MOV10L1: variants seen among roughly 807,000 people sequenced by gnomAD.
The protein encoded by MOV10L1 is RNA helicase Mov10l1.
A neutral mutation model predicts 143.8 loss-of-function variants in MOV10L1; 110 were observed. The observed-to-expected ratio is 0.76, with a 90% CI of 0.66 to 0.90. The LOEUF (loss-of-function observed/expected upper bound fraction) is 0.90. Ranked by LOEUF, MOV10L1 falls within the 40% of genes least tolerant of loss-of-function variation. MOV10L1 has a pLI of 0.00. For synonymous variants in MOV10L1, 593 were observed against 581.1 expected, an observed-to-expected ratio of 1.02 and a Z score of -0.29; for missense variants, 1,406 against 1,526.8, an observed-to-expected ratio of 0.92 and a Z score of 1.32.
At chr22:50,142,965 C>A in intron 16 of MOV10L1, 78 bp from the exon 17 acceptor site, 1 of 1,413,370 alleles carries the variant, frequency 7.1e-7, no homozygotes, top group South Asian at 1.3e-5. Context: ...GTGCTGACGC[C>A]TGACCTAGGT....
chr22:50,135,609 G>A (rs2062802975), intron 15 of MOV10L1, among the ~76,000 whole-genome samples: 1 of 151,778 alleles, frequency 6.6e-6, no homozygotes, highest in African/African-American at 2.4e-5. Context: ...AAATTAGCCG[G>A]GCATGATGGT....
At chr22:50,137,804 TATATATAC>T (rs2062868461) in intron 15 of MOV10L1, among the ~76,000 whole-genome samples, 1 of 54,244 alleles carries the variant, frequency 1.8e-5, no homozygotes, top group Admixed American at 3.1e-4. Context: ...ACATATTTTA[TATATATAC>T]ATATATAAAT....
chr22:50,133,920 T>A (rs2062748563), intron 13 of MOV10L1, 87 bp from the exon 14 acceptor site: 1 of 1,059,502 alleles, frequency 9.4e-7, no homozygotes, highest in Admixed American at 2.4e-5. Flanking sequence ...ACTTAAAGAT[T>A]GTATCATAAA....
intron 26 of MOV10L1, 38 bp downstream of exon 26, chr22:50,161,093 C>T (rs1053234970): frequency 3.8e-6 from 6 of 1,593,072 alleles, no homozygotes; most frequent in African/African-American, 2.7e-5. Flanking sequence ...GACAGGCTGG[C>T]TCTAGAACGT....
intron 1 of MOV10L1, chr22:50,090,690 G>GTT (rs1602092484): frequency 2.5e-6 from 2 of 801,168 alleles, no homozygotes; most frequent in East Asian, 5.6e-5. Flanking sequence ...GTGTGTGTGT[G>GTT]TGTGAGACGG....
intron 13 of MOV10L1, among the ~76,000 whole-genome samples, chr22:50,128,975 T>A (rs1269621504): frequency 6.6e-6 from 1 of 151,746 alleles, no homozygotes. Context: ...TTAATTTGTC[T>A]CTTTATCTTT....
At chr22:50,118,398 CAGTA>C (rs1297926941) in intron 9 of MOV10L1, among the ~76,000 whole-genome samples, 2 of 152,146 alleles carry the variant, frequency 1.3e-5, no homozygotes, top group Non-Finnish European at 2.9e-5. Context: ...AGCAATCACT[CAGTA>C]AGCGAATAAG....
chr22:50,115,421 TG>T (rs2062145867), intron 8 of MOV10L1, among the ~76,000 whole-genome samples, 175 bp downstream of exon 8: 1 of 152,068 alleles, frequency 6.6e-6, no homozygotes, highest in Non-Finnish European at 1.5e-5. Context: ...AAAAATTACT[TG>T]GGCCCCTGTA....
intron 15 of MOV10L1, among the ~76,000 whole-genome samples, chr22:50,140,665 G>T (rs887928780): frequency 6.6e-6 from 1 of 152,182 alleles, no homozygotes; most frequent in South Asian, 2.1e-4. Context: ...TCCATGGGCC[G>T]CTGGTTGGAC....
At chr22:50,115,083 T>A (rs2062134045) in intron 7 of MOV10L1, 31 bp from the exon 8 acceptor site, 6 of 1,554,256 alleles carry the variant, frequency 3.9e-6, no homozygotes, top group Non-Finnish European at 5.2e-6. Flanking sequence ...TACCTTTTGG[T>A]CAACTTTTGT....
chr22:50,139,924 C>T (rs1321498649), intron 15 of MOV10L1, among the ~76,000 whole-genome samples: 1 of 152,140 alleles, frequency 6.6e-6, no homozygotes, highest in Non-Finnish European at 1.5e-5. Context: ...AGTGGCACAC[C>T]ACTGTGCAAA....
At chr22:50,097,841 GTTGT>G (rs1183840508) in intron 2 of MOV10L1, among the ~76,000 whole-genome samples, 1 of 151,914 alleles carries the variant, frequency 6.6e-6, no homozygotes, top group African/African-American at 2.4e-5. Context: ...GGGTTTTTTT[GTTGT>G]TTGTTTGAGA....
At chr22:50,095,795 A>G (rs1432413422) in intron 2 of MOV10L1, 2 of 152,016 alleles carry the variant, frequency 1.3e-5, no homozygotes, top group Non-Finnish European at 2.9e-5. Context: ...TAAGGAATGC[A>G]GGACCTTTTT....
chr22:50,128,295 C>A, intron 12 of MOV10L1, 121 bp from the exon 13 acceptor site: 2 of 629,734 alleles, frequency 3.2e-6, no homozygotes, highest in Non-Finnish European at 5.7e-6. Context: ...TCCTTTTCAA[C>A]TAATTTTGCA....
chr22:50,131,048 C>T (rs1001556143), intron 13 of MOV10L1, among the ~76,000 whole-genome samples: 12 of 150,558 alleles, frequency 8.0e-5, no homozygotes, highest in African/African-American at 2.9e-4. Flanking sequence ...AGGTGCCCAC[C>T]ACCACGCCCG....
chr22:50,100,448 T>C (rs761766959), intron 3 of MOV10L1, among the ~76,000 whole-genome samples: 1 of 152,250 alleles, frequency 6.6e-6, no homozygotes, highest in African/African-American at 2.4e-5. Context: ...GTACTTTAGA[T>C]GTTTTAAAAT....
At chr22:50,136,667 T>G in intron 15 of MOV10L1, among the ~76,000 whole-genome samples, 1 of 150,884 alleles carries the variant, frequency 6.6e-6, no homozygotes, top group Non-Finnish European at 1.5e-5. Flanking sequence ...TTTGGAAGGG[T>G]GGGGAGGACA....
At chr22:50,128,210 TA>T (rs2062567304) in intron 12 of MOV10L1, among the ~76,000 whole-genome samples, 1 of 152,248 alleles carries the variant, frequency 6.6e-6, no homozygotes. Context: ...GCCAAGTGAA[TA>T]GAAGTTCAGT....
chr22:50,111,407 A>G (rs1421994370), intron 5 of MOV10L1, among the ~76,000 whole-genome samples: 3 of 151,456 alleles, frequency 2.0e-5, no homozygotes, highest in African/African-American at 7.3e-5. Context: ...GGACAAAGGA[A>G]AGGCAGCTTC....
Sources: allele counts gnomAD v4.1 joint callset (sites outside exome capture counted in the v4.1 genomes callset), GRCh38; gene constraint gnomAD v4.1.1; transcripts MANE v1.5; gene names NCBI Gene and HGNC (gene_info 2026-07-23, HGNC 2026-07-21).